SLC38A10: variants seen among roughly 807,000 people sequenced by gnomAD.
SLC38A10 encodes the protein Sodium-coupled neutral amino acid transporter 10.
A neutral mutation model predicts 81.0 loss-of-function variants in SLC38A10; 53 were observed. The observed-to-expected ratio is 0.65, with a 90% confidence interval of 0.53 to 0.82. The LOEUF (loss-of-function observed/expected upper bound fraction) is 0.82. Among genes scored for constraint, SLC38A10 ranks in the 40% least tolerant of loss-of-function variants. SLC38A10 has a pLI of 0.00. For synonymous variants in SLC38A10, 665 were observed against 655.3 expected, an observed-to-expected ratio of 1.01 and a Z score of -0.23; for missense variants, 1,471 against 1,545.0, an observed-to-expected ratio of 0.95 and a Z score of 0.80.
Position 81,289,004 on chromosome 17 carries a change from C to T in SLC38A10, c.217+687G>A, listed in dbSNP as rs546455950. The T allele has an allele frequency of 2.0e-5, 3 of 152,404 alleles. No homozygotes were observed. The East Asian group carries it at 5.8e-4, about 29-fold the overall frequency. 9.4% of individuals were successfully genotyped at this position (152,404 alleles called of 1,614,324 possible). On this transcript the variant is annotated intron_variant, in intron 2 of 15. Coordinates refer to ENST00000374759, the MANE Select transcript of SLC38A10 (RefSeq NM_001037984.3). This position sits in a 1 kb window ranked among gnomAD's most constrained non-coding sequence, Gnocchi z 5.9. ...GGGAGACCTGGCGCCTCATACCCTTCTGTGTCACTCCAATTTTGAAGCATG... is the reference window on the plus strand; with the variant it reads ...GGGAGACCTGGCGCCTCATACCCTTTTGTGTCACTCCAATTTTGAAGCATG...
intron 10 of SLC38A10, among the ~76,000 whole-genome samples, chr17:81,261,309 C>T (rs1441464788): frequency 1.3e-5 from 2 of 152,234 alleles, no homozygotes; most frequent in African/African-American, 4.8e-5. Flanking sequence ...TTCACGGGGC[C>T]ACGGCAGCGG....
intron 14 of SLC38A10, among the ~76,000 whole-genome samples, chr17:81,249,311 A>AG: frequency 8.8e-5 from 1 of 11,372 alleles, no homozygotes; most frequent in African/African-American, 8.6e-4. Flanking sequence ...AAGAGGAGGA[A>AG]GGAGGGAAGA....
rs1308081316 is a variant in SLC38A10 at position 81,286,951 on chromosome 17, T to G, written c.218-2056A>C. ...GGGTCTGGGGCTCAGAACAGCTTCA[T>G]GAGAAGCCGCGACAGCTGAAGGAGG... is the stretch of plus-strand genomic sequence containing the variant. On this transcript the variant is annotated intron_variant, in intron 2 of 15. Coordinates refer to ENST00000374759, the MANE Select transcript of SLC38A10 (RefSeq NM_001037984.3). The surrounding 1 kb of genome is among the most constrained non-coding windows in gnomAD (Gnocchi z 6.0). Among the ~76,000 whole-genome samples, 1 of 152,118 alleles carries G rather than the reference T, an allele frequency of 6.6e-6. No individual in the cohort carries two copies. The highest frequency in any genetic ancestry group is 1.5e-5 in the Non-Finnish European group (1 of 68,028).
Position 81,268,205 on chromosome 17 carries a change from A to G in SLC38A10, c.1131+2713T>C, listed in dbSNP as rs552383621. Among the ~76,000 whole-genome samples, 16 of 152,008 alleles carry G rather than the reference A, an allele frequency of 1.1e-4. No individual in the cohort carries two copies. The South Asian group carries it at 2.7e-3, about 26-fold the overall frequency. ...ACCCTAGGAACAAGGCCAACTGAAA[A>G]CACATTTGCCTCAATGGGACACAGG... On this transcript the variant is annotated intron_variant, in intron 10 of 15. Transcript: ENST00000374759.
At chr17:81,246,800 C>T in intron 15 of SLC38A10, 85 bp downstream of exon 15, 1 of 1,511,480 alleles carries the variant, frequency 6.6e-7, no homozygotes, top group Non-Finnish European at 8.9e-7. Flanking sequence ...GTCTAGAGGC[C>T]ACCGAGCCTC....
intron 8 of SLC38A10, among the ~76,000 whole-genome samples, chr17:81,274,710 C>T (rs932070536): frequency 1.3e-5 from 2 of 152,136 alleles, no homozygotes; most frequent in Non-Finnish European, 2.9e-5. Context: ...TTCACTCTGC[C>T]GCAAGGAGAG....
At chr17:81,263,546 CCCT>C (rs1168239824) in intron 10 of SLC38A10, 1 of 152,416 alleles carries the variant, frequency 6.6e-6, no homozygotes, top group Non-Finnish European at 1.5e-5. Context: ...TTGCTGAGAC[CCCT>C]CGTCCTGGCT....
In SLC38A10 at chr17:81,270,955, A is replaced by G; in HGVS notation, c.1094T>C (p.Ile365Thr). ...SLICFICPALIYKKIHKNALS... is the reference protein window; with the variant it reads ...SLICFICPALTYKKIHKNALS... ...TGCGTTCTTGTGGATTTTCTTGTAG[A>G]TCAGCGCCGGGCAGATGAAGCAGAT... Residue 365 changes from isoleucine (I) to threonine (T), a missense_variant, in exon 10 of 16, where the codon ATC becomes ACC. By Grantham distance (89) the Ile-to-Thr change is moderately conservative. Coordinates refer to ENST00000374759, the MANE Select transcript of SLC38A10 (RefSeq NM_001037984.3). This position sits in a 1 kb window ranked among gnomAD's most constrained non-coding sequence, Gnocchi z 4.0. The G allele has an allele frequency of 6.2e-7, 1 of 1,613,960 alleles. No individual in the cohort carries two copies. Among genetic ancestry groups the G allele is most frequent in the Non-Finnish European group, 8.5e-7 (1 of 1,180,020 alleles).
rs750838683 is a variant in SLC38A10 at position 81,289,701 on chromosome 17, G to A, written c.207C>T (p.Tyr69=). 1.2e-4 allele frequency: 200 copies of A among 1,608,900 alleles called. 2 individuals carry two copies. In the South Asian group the frequency reaches 2.0e-3, roughly 16 times the overall value. ...GAGAGGGCGCCTCACCCAGGCCGGC[G>A]TAGGTCCTCCGCTTGCTCAGGCTGG... ...KSASLSKRRT[Y]AGLAFHAYGK... is the part of the protein sequence containing the mutation. The change falls in exon 2 of 16, where the codon TAC becomes TAT. Residue 69 remains tyrosine, a synonymous_variant. Transcript: ENST00000374759. The surrounding 1 kb of genome is among the most constrained non-coding windows in gnomAD (Gnocchi z 5.9).
At chr17:81,259,138 C>A (rs529298147) in intron 11 of SLC38A10, among the ~76,000 whole-genome samples, 1 of 152,358 alleles carries the variant, frequency 6.6e-6, no homozygotes, top group East Asian at 1.9e-4. Context: ...ATGGCGTCCC[C>A]ACGCACTCAG....
chr17:81,247,024 C>G lies in SLC38A10; in HGVS notation c.2103G>C (p.Leu701=). The stretch of plus-strand genomic sequence containing the variant: ...CCTGCTGTTCTTTGATCACCTGAAG[C>G]AGGACGGCGTGGTCCAGCATCTCCG... ...GRAEMLDHAV[L]LQVIKEQQVQ... is the part of the protein sequence containing the mutation. Residue 701 remains leucine (L), a synonymous_variant, in exon 15 of 16, where the codon CTG becomes CTC. Coordinates refer to ENST00000374759, the MANE Select transcript of SLC38A10 (RefSeq NM_001037984.3). The G allele has an allele frequency of 1.2e-6, 2 of 1,601,522 alleles. No homozygotes were observed. The highest frequency in any genetic ancestry group is 1.7e-6 in the Non-Finnish European group (2 of 1,177,972).
intron 13 of SLC38A10, chr17:81,251,918 C>T (rs764552164): frequency 3.8e-6 from 2 of 530,128 alleles, no homozygotes; most frequent in South Asian, 4.2e-5. Context: ...GCGCCCCCCG[C>T]GCCGCCCCCC....
At position 81,286,063 on chromosome 17, in the gene SLC38A10, T is replaced by G. The variant is rs2063264379; in HGVS notation, c.218-1168A>C. 6.6e-6 allele frequency among the ~76,000 whole-genome samples: 1 copy of G among 151,742 alleles called. No individual in the cohort carries two copies. Among genetic ancestry groups the G allele is most frequent in the African/African-American group, 2.4e-5 (1 of 41,252 alleles). On this transcript the variant is annotated intron_variant, in intron 2 of 15. Transcript: ENST00000374759. This position sits in a 1 kb window ranked among gnomAD's most constrained non-coding sequence, Gnocchi z 6.0. Reference sequence around the variant, plus strand: ...AGCTGACCTGAGGCTGTGGAGAGTTTCAAACACTAAGAACTCCAGGAGCCC... The same window carrying G: ...AGCTGACCTGAGGCTGTGGAGAGTTGCAAACACTAAGAACTCCAGGAGCCC...
In SLC38A10 at chr17:81,281,608, C is replaced by T. The variant is rs1489968793; in HGVS notation, c.501+581G>A. Among the ~76,000 whole-genome samples, 1 of 152,108 alleles carries T rather than the reference C, an allele frequency of 6.6e-6. No homozygotes were observed. Among genetic ancestry groups the T allele is most frequent in the South Asian group, 2.1e-4 (1 of 4,826 alleles). ...TGGCCAAGATGGTGAAACCCCTTCT[C>T]TACTAAAAATAAAAAAAATTAGCCA... On this transcript the variant is annotated intron_variant, in intron 5 of 15. Transcript: ENST00000374759. This position sits in a 1 kb window ranked among gnomAD's most constrained non-coding sequence, Gnocchi z 5.3.
In SLC38A10 at chr17:81,281,005, GC is replaced by G. The variant is rs1180636280; in HGVS notation, c.502-273del. Among the ~76,000 whole-genome samples the G allele has an allele frequency of 1.3e-5, 2 of 152,250 alleles. No homozygotes were observed. Among genetic ancestry groups the G allele is most frequent in the African/African-American group, 4.8e-5 (2 of 41,476 alleles). ...GAGCAGCTGCTCTTGCAAGGGGGCT[GC>G]TTGGCGCAGACGGGAGGAGACCACT... On this transcript the variant is annotated intron_variant, in intron 5 of 15. Coordinates refer to ENST00000374759, the MANE Select transcript of SLC38A10 (RefSeq NM_001037984.3). The surrounding 1 kb of genome is among the most constrained non-coding windows in gnomAD (Gnocchi z 5.3).
chr17:81,247,055 C>T lies in SLC38A10; in HGVS notation c.2072G>A (p.Gly691Asp), dbSNP rs759172242. 9.5e-6 allele frequency: 15 copies of T among 1,583,002 alleles called. No individual in the cohort carries two copies. The Admixed American group carries it at 2.5e-4, about 27-fold the overall frequency. ...GGCGTGGTCCAGCATCTCCGCCCTG[C>T]CAGCTTCTGGGTTTGGAAAGCACAC... ...NQAASQLEEA[G>D]RAEMLDHAVL... The change falls in exon 15 of 16, where the codon GGC (glycine) becomes GAC (aspartate). Residue 691 changes from glycine to aspartate, a missense_variant. Physicochemically the swap from Gly to Asp is moderately conservative, Grantham distance 94. Around this residue, in one of 2 missense-constraint regions of SLC38A10, gnomAD observed 751 missense variants for 717.4 expected, o/e 1.05. Transcript: ENST00000374759.
At chr17:81,287,568 G>T (rs1359003409) in intron 2 of SLC38A10, among the ~76,000 whole-genome samples, 2 of 152,228 alleles carry the variant, frequency 1.3e-5, no homozygotes, top group African/African-American at 4.8e-5. Flanking sequence ...CACCGTGTTT[G>T]GTGTCAAAGG....
rs531109499 is a variant in SLC38A10 at position 81,272,581 on chromosome 17, C to T, written c.959G>A (p.Arg320Gln). The change falls in exon 9 of 16, where the codon CGG becomes CAG. Residue 320 changes from arginine (R) to glutamine (Q), a missense_variant. This residue lies in a region of SLC38A10 where 720 missense variants were observed against 827.7 expected (regional missense o/e 0.87). Transcript: ENST00000374759. ...FAAGGYMPPL[R>Q]FKALTLSVVF... ...CACAGAGAGGGTAAGTGCTTTAAACCGGAGAGGGGGCATGTAGCCCCCTGC... is the reference window on the plus strand; with the variant it reads ...CACAGAGAGGGTAAGTGCTTTAAACTGGAGAGGGGGCATGTAGCCCCCTGC... 2.1e-5 allele frequency: 34 copies of T among 1,586,820 alleles called. No homozygotes were observed. The South Asian group carries it at 2.2e-4, about 10-fold the overall frequency.
chr17:81,295,114 G>A lies in SLC38A10; in HGVS notation c.-193C>T. 9.8e-7 allele frequency: 1 copy of A among 1,023,312 alleles called. No individual in the cohort carries two copies. The highest frequency in any genetic ancestry group is 1.2e-6 in the Non-Finnish European group (1 of 805,408). 63.4% of individuals were successfully genotyped at this position (1,023,312 alleles called of 1,614,324 possible). A position where few individuals can be genotyped will look rare whatever the true frequency, so the allele number is the denominator to read the frequency against. On this transcript the variant is annotated 5_prime_UTR_variant, in exon 1 of 16. Coordinates refer to ENST00000374759, the MANE Select transcript of SLC38A10 (RefSeq NM_001037984.3). ...CCCCAGAGGCTGCCTGGAGGAGGCAGCCTCGAAGGCCGGCTGCGGGGGCGA... is the reference window on the plus strand; with the variant it reads ...CCCCAGAGGCTGCCTGGAGGAGGCAACCTCGAAGGCCGGCTGCGGGGGCGA...
Sources: allele counts gnomAD v4.1 joint callset (sites outside exome capture counted in the v4.1 genomes callset), GRCh38; gene constraint gnomAD v4.1.1; regional missense constraint gnomAD v4.1.1; non-coding constraint Gnocchi (gnomAD v3.1); transcripts MANE v1.5; gene names NCBI Gene and HGNC (gene_info 2026-07-23, HGNC 2026-07-21).